The following KATNIP variants were observed in gnomAD, a reference collection of about 807,000 sequenced individuals.
KATNIP encodes the protein katanin interacting protein.
KATNIP carries 126 observed loss-of-function variants against 174.0 expected under a neutral mutation model. That is an observed-to-expected ratio of 0.72 (90% CI 0.63 to 0.84). The LOEUF (loss-of-function observed/expected upper bound fraction) is 0.84. Ranked by LOEUF, KATNIP falls within the 40% of genes least tolerant of loss-of-function variation. The probability of loss-of-function intolerance (pLI) is 0.00; values close to 1 mark genes in which losing one functional copy is unlikely to be tolerated. For synonymous variants in KATNIP, 810 were observed against 835.7 expected, an observed-to-expected ratio of 0.97 and a Z score of 0.53; for missense variants, 1,958 against 2,109.7, an observed-to-expected ratio of 0.93 and a Z score of 1.41.
chr16:27,660,850 C>G (rs2077455082), intron 6 of KATNIP, among the ~76,000 whole-genome samples: 1 of 152,128 alleles, frequency 6.6e-6, no homozygotes, highest in African/African-American at 2.4e-5. Flanking sequence ...CAAACACCTT[C>G]CCCCATCCCA....
At position 27,750,677 on chromosome 16, in the gene KATNIP, C is replaced by G. The variant is rs368702778; in HGVS notation, c.3346+371C>G. The stretch of plus-strand genomic sequence containing the variant: ...TCGATCTCCTGACCTCATGATCTGC[C>G]CGTCTCGGCCTCCCAAAGTGTTGGA... On this transcript the variant is annotated intron_variant, in intron 16 of 27. Transcript: ENST00000261588. 4.2e-4 allele frequency among the ~76,000 whole-genome samples: 63 copies of G among 150,098 alleles called. 2 individuals are homozygous for G. The East Asian group carries it at 6.6e-3, about 16-fold the overall frequency.
chr16:27,648,763 G>A (rs1406107139), intron 6 of KATNIP, 28 bp downstream of exon 6: 1 of 1,607,776 alleles, frequency 6.2e-7, no homozygotes, highest in African/African-American at 1.3e-5. Flanking sequence ...CTTGTGCTCG[G>A]GACACCTGAA....
At chr16:27,572,658 G>A (rs2090351619) in intron 1 of KATNIP, among the ~76,000 whole-genome samples, 1 of 152,138 alleles carries the variant, frequency 6.6e-6, no homozygotes, top group Non-Finnish European at 1.5e-5. Context: ...TTCAGGGCGT[G>A]GGATTATGTA....
intron 2 of KATNIP, among the ~76,000 whole-genome samples, chr16:27,580,914 A>G (rs1254013639): frequency 6.6e-6 from 1 of 152,160 alleles, no homozygotes; most frequent in East Asian, 1.9e-4. Flanking sequence ...AAAGCACTCT[A>G]TAATCAAATA....
At chr16:27,641,409 C>T (rs76225628) in intron 5 of KATNIP, among the ~76,000 whole-genome samples, 1 of 152,084 alleles carries the variant, frequency 6.6e-6, no homozygotes, top group Admixed American at 6.5e-5. Flanking sequence ...CTCTTCCATG[C>T]CCCAGAACCA....
chr16:27,765,231 AGC>A (rs1351868620), intron 19 of KATNIP, among the ~76,000 whole-genome samples: 1 of 152,204 alleles, frequency 6.6e-6, no homozygotes, highest in Non-Finnish European at 1.5e-5. Flanking sequence ...CGTGGGCCAG[AGC>A]CACGAGGACA....
rs189610019 is a variant in KATNIP at position 27,574,797 on chromosome 16, C to A, written c.63+841C>A. ...CAGGCTGGTCTCGAACTCCCGAGCC[C>A]GCCTCAGTCTCCCAAAGTGCTGGGA... On this transcript the variant is annotated intron_variant, in intron 2 of 27. Transcript: ENST00000261588. Among the ~76,000 whole-genome samples the A allele has an allele frequency of 2.0e-5, 3 of 152,200 alleles. No homozygotes were observed. In the East Asian group the frequency reaches 5.8e-4, roughly 29 times the overall value.
rs773858069 is a variant in KATNIP, at chr16:27,761,581, C to A, written c.3800C>A (p.Ala1267Asp). ...ELPEYSDDSR[A>D]LDKLIDGTNI... ...CCCGAGTACTCTGACGACTCCCGGG[C>A]CCTGGACAAGTAAGTGTCTATCAGA... The change falls in exon 19 of 28, where the codon GCC (alanine) becomes GAC (aspartate). Residue 1267 changes from alanine to aspartate, a missense_variant. This residue lies in a region of KATNIP where 18 missense variants were observed against 35.8 expected (regional missense o/e 0.50). Transcript: ENST00000261588. 3.1e-6 allele frequency: 5 copies of A among 1,613,110 alleles called. No individual in the cohort carries two copies. Among genetic ancestry groups the A allele is most frequent in the Non-Finnish European group, 8.5e-7 (1 of 1,179,270 alleles).
chr16:27,600,296 T>C (rs1458926978), intron 2 of KATNIP, among the ~76,000 whole-genome samples: 1 of 152,246 alleles, frequency 6.6e-6, no homozygotes, highest in Non-Finnish European at 1.5e-5. Context: ...TTTAAATTCC[T>C]AGATGAACAT....
At chr16:27,754,322 T>G in intron 18 of KATNIP, 71 bp downstream of exon 18, 2 of 1,300,826 alleles carry the variant, frequency 1.5e-6, no homozygotes, top group Non-Finnish European at 2.2e-6. Flanking sequence ...TTGTGGCCAC[T>G]TGGGACAGGG....
intron 14 of KATNIP, chr16:27,727,286 T>G (rs991640872): frequency 5.1e-5 from 9 of 176,328 alleles, no homozygotes; most frequent in African/African-American, 2.1e-4. Context: ...CCTCCTGGGC[T>G]CAAGCGTTCC....
rs368399645 is a variant in KATNIP, at chr16:27,628,643, C to G, written c.141-18C>G. The stretch of plus-strand genomic sequence containing the variant: ...CTCTCAAATGATGAGGAGGAACAAC[C>G]CACCGTTTCTCTTTCAGGATATTAA... On this transcript the variant is annotated intron_variant, in intron 3 of 27. Coordinates refer to ENST00000261588, the MANE Select transcript of KATNIP (RefSeq NM_015202.5). 2.5e-6 allele frequency: 4 copies of G among 1,613,006 alleles called. No individual in the cohort carries two copies. The highest frequency in any genetic ancestry group is 1.3e-5 in the African/African-American group (1 of 75,014).
At position 27,751,700 on chromosome 16, in the gene KATNIP, C is replaced by A; in HGVS notation, c.3347-19C>A. On this transcript the variant is annotated intron_variant, in intron 16 of 27. Transcript: ENST00000261588. ...ATGTGAAGTGAGTTGACCTTTCTGT[C>A]ATCTTGATAACCCATTAGCCCCAGA... 1.2e-6 allele frequency: 2 copies of A among 1,612,434 alleles called. No homozygotes were observed. The highest frequency in any genetic ancestry group is 1.1e-5 in the South Asian group (1 of 90,942).
In KATNIP at chr16:27,740,246, G is replaced by A; in HGVS notation, c.1949G>A (p.Ser650Asn). 6.2e-7 allele frequency: 1 copy of A among 1,614,256 alleles called. No homozygotes were observed. The highest frequency in any genetic ancestry group is 1.1e-5 in the South Asian group (1 of 91,086). ...GGCACCCATGAGATGGCTGGTGCCA[G>A]CGGGGACAAGGAGCTTGGTCTCGGT... The part of the protein sequence containing the change: ...SKGTHEMAGA[S>N]GDKELGLGCS... The change falls in exon 15 of 28, where the codon AGC becomes AAC. Residue 650 changes from serine to asparagine, a missense_variant. Transcript: ENST00000261588.
intron 19 of KATNIP, 78 bp downstream of exon 19, chr16:27,761,668 C>A: frequency 7.7e-7 from 1 of 1,305,964 alleles, no homozygotes; most frequent in Admixed American, 1.7e-5. Context: ...ACTTCAGATT[C>A]AGACATCAAA....
At chr16:27,696,600 G>C (rs2078920468) in intron 8 of KATNIP, among the ~76,000 whole-genome samples, 2 of 152,004 alleles carry the variant, frequency 1.3e-5, no homozygotes, top group African/African-American at 2.4e-5. Context: ...TTGGTTTTCT[G>C]TTCCCATGTT....
intron 2 of KATNIP, among the ~76,000 whole-genome samples, chr16:27,605,833 T>C (rs2075683796): frequency 6.6e-6 from 1 of 152,064 alleles, no homozygotes. Flanking sequence ...GCAAATGCAG[T>C]CAAAAGCAGG....
intron 15 of KATNIP, among the ~76,000 whole-genome samples, chr16:27,744,140 G>A (rs1277384199): frequency 1.3e-5 from 2 of 152,122 alleles, no homozygotes; most frequent in Admixed American, 6.5e-5. Flanking sequence ...ATGCCCTTCC[G>A]GAAAGGTACA....
chr16:27,633,834 A>C (rs1005999319), intron 5 of KATNIP, among the ~76,000 whole-genome samples: 3 of 152,152 alleles, frequency 2.0e-5, no homozygotes, highest in Non-Finnish European at 2.9e-5. Context: ...CTGGGATTTG[A>C]ACTCTGGGCT....
Sources: gnomAD v4.1 joint callset for allele counts (sites outside exome capture counted in the v4.1 genomes callset) on GRCh38, gnomAD v4.1.1 for gene constraint, gnomAD v4.1.1 regional missense constraint, MANE v1.5 for transcripts, NCBI Gene and HGNC (gene_info 2026-07-23, HGNC 2026-07-21) for gene names.